Variants in RFX3 observed in about 807,000 individuals in gnomAD.
RFX3 encodes the protein transcription factor RFX3.
Under a neutral mutation model 98.6 loss-of-function variants are expected in RFX3, and 14 were observed. That is an observed-to-expected ratio of 0.14 (90% confidence interval 0.09 to 0.22). The LOEUF is 0.22. Among genes scored for constraint, RFX3 ranks in the 10% least tolerant of loss-of-function variants. The pLI, the probability that RFX3 is intolerant of heterozygous loss-of-function variation, is 1.00. For synonymous variants in RFX3, 383 were observed against 328.4 expected, an observed-to-expected ratio of 1.17 and a Z score of -1.80; for missense variants, 639 against 926.9, an observed-to-expected ratio of 0.69 and a Z score of 4.03.
At chr9:3,308,261 A>C (rs932875188) in intron 4 of RFX3, among the ~76,000 whole-genome samples, 6 of 152,124 alleles carry the variant, frequency 3.9e-5, no homozygotes, top group Non-Finnish European at 1.5e-5. Context: ...CAATCAGATA[A>C]GACTCTATGG....
chr9:3,337,352 AAT>A (rs1364246153), intron 3 of RFX3, among the ~76,000 whole-genome samples: 1 of 152,218 alleles, frequency 6.6e-6, no homozygotes, highest in Non-Finnish European at 1.5e-5. Flanking sequence ...GCAACTTTTT[AAT>A]ATCTTAGAAA....
Position 3,222,574 on chromosome 9 carries a change from G to A in RFX3, c.*2468C>T, listed in dbSNP as rs1441532224. 2 of 152,088 alleles carry A rather than the reference G, an allele frequency of 1.3e-5. No homozygotes were observed. The highest frequency in any genetic ancestry group is 2.9e-5 in the Non-Finnish European group (2 of 68,012). 9.4% of individuals were successfully genotyped at this position (152,088 alleles called of 1,614,324 possible). ...ATACATTTGGTCCAATACAGATATA[G>A]TATCACTCAAAGGATGGCGGGTAGA... On this transcript the variant is annotated 3_prime_UTR_variant, in exon 17 of 17. Transcript: ENST00000617270.
intron 2 of RFX3, among the ~76,000 whole-genome samples, chr9:3,373,478 G>C (rs1838086922): frequency 6.6e-6 from 1 of 152,058 alleles, no homozygotes; most frequent in Non-Finnish European, 1.5e-5. Flanking sequence ...GTTAAATAGA[G>C]AATTAAAAAT....
chr9:3,477,160 A>T (rs1047683770), intron 1 of RFX3, among the ~76,000 whole-genome samples: 1 of 152,160 alleles, frequency 6.6e-6, no homozygotes, highest in Non-Finnish European at 1.5e-5. Flanking sequence ...TATAATTCCA[A>T]TACAGAATCA....
At chr9:3,495,022 T>C (rs1040193491) in intron 1 of RFX3, among the ~76,000 whole-genome samples, 1 of 152,048 alleles carries the variant, frequency 6.6e-6, no homozygotes, top group East Asian at 1.9e-4. Flanking sequence ...ATTCTATCAA[T>C]ATGAAGAATT....
intron 1 of RFX3, among the ~76,000 whole-genome samples, chr9:3,452,760 CTT>C (rs1846776759): frequency 6.6e-6 from 1 of 152,146 alleles, no homozygotes; most frequent in Admixed American, 6.5e-5. Context: ...TATTTAAAAA[CTT>C]ATTATAAAAG....
chr9:3,292,093 AAAAAAAACTC>A (rs1827453216), intron 6 of RFX3, among the ~76,000 whole-genome samples: 1 of 142,628 alleles, frequency 7.0e-6, no homozygotes, highest in Non-Finnish European at 1.5e-5. Flanking sequence ...AAAAAAAAAA[AAAAAAAACTC>A]TTTACGAAAA....
chr9:3,345,129 GA>G (rs1384434363), intron 3 of RFX3, among the ~76,000 whole-genome samples: 2 of 152,116 alleles, frequency 1.3e-5, no homozygotes, highest in Non-Finnish European at 2.9e-5. Context: ...CTTTATAAGG[GA>G]AGGATAAGCT....
At chr9:3,233,036 G>A (rs1310189245) in intron 15 of RFX3, among the ~76,000 whole-genome samples, 1 of 152,190 alleles carries the variant, frequency 6.6e-6, no homozygotes, top group African/African-American at 2.4e-5. Flanking sequence ...GAGAAAGCAT[G>A]TCTATTGTTT....
chr9:3,363,451 G>C (rs564722415), intron 2 of RFX3, among the ~76,000 whole-genome samples: 1 of 152,212 alleles, frequency 6.6e-6, no homozygotes, highest in African/African-American at 2.4e-5. Flanking sequence ...ATTTACAGGA[G>C]AGTTAAATAA....
chr9:3,439,682 A>C (rs1430740478), intron 1 of RFX3, among the ~76,000 whole-genome samples: 1 of 152,030 alleles, frequency 6.6e-6, no homozygotes, highest in Non-Finnish European at 1.5e-5. Context: ...CTCCGGCTCA[A>C]ATGACTTCTA....
At chr9:3,350,461 T>C (rs988339300) in intron 2 of RFX3, among the ~76,000 whole-genome samples, 4 of 152,112 alleles carry the variant, frequency 2.6e-5, no homozygotes, top group African/African-American at 9.7e-5. Context: ...TCATTCATTG[T>C]TGGGAGGGAT....
intron 4 of RFX3, among the ~76,000 whole-genome samples, chr9:3,326,414 T>A (rs1226460396): frequency 6.6e-6 from 1 of 152,136 alleles, no homozygotes; most frequent in East Asian, 1.9e-4. Context: ...GGGGATTTAT[T>A]GTACCAATTA....
At chr9:3,380,115 G>A (rs1229691122) in intron 2 of RFX3, among the ~76,000 whole-genome samples, 1 of 151,792 alleles carries the variant, frequency 6.6e-6, no homozygotes, top group African/African-American at 2.4e-5. Context: ...TAGTAGAGAT[G>A]AGGGTTTCAC....
chr9:3,313,301 G>A (rs1830182468), intron 4 of RFX3, among the ~76,000 whole-genome samples: 1 of 152,272 alleles, frequency 6.6e-6, no homozygotes, highest in East Asian at 1.9e-4. Context: ...GCAGCTGAGG[G>A]TCCTGACTGT....
intron 7 of RFX3, among the ~76,000 whole-genome samples, chr9:3,279,899 G>T (rs921414751): frequency 6.6e-6 from 1 of 151,842 alleles, no homozygotes; most frequent in East Asian, 1.9e-4. Context: ...TATTATGTGG[G>T]AGATGAAAAA....
chr9:3,356,978 C>CAG (rs1835854045), intron 2 of RFX3, among the ~76,000 whole-genome samples: 1 of 149,558 alleles, frequency 6.7e-6, no homozygotes, highest in African/African-American at 2.5e-5. Flanking sequence ...CACACGCACA[C>CAG]ACACACACAC....
chr9:3,301,753 G>A (rs1828685020), intron 4 of RFX3, 133 bp from the exon 5 acceptor site: 4 of 557,150 alleles, frequency 7.2e-6, no homozygotes, highest in Admixed American at 2.6e-5. Context: ...GCCACTTAAT[G>A]TGTTTTCTCC....
chr9:3,315,308 G>A (rs963378979), intron 4 of RFX3, among the ~76,000 whole-genome samples: 25 of 152,086 alleles, frequency 1.6e-4, no homozygotes, highest in African/African-American at 5.1e-4. Context: ...AGAAATAAAG[G>A]TATTCTTTGA....
Sources: allele counts gnomAD v4.1 joint callset (sites outside exome capture counted in the v4.1 genomes callset), GRCh38; gene constraint gnomAD v4.1.1; transcripts MANE v1.5; gene names NCBI Gene and HGNC (gene_info 2026-07-23, HGNC 2026-07-21).